The following TTC6 variants were observed in gnomAD, a reference collection of about 807,000 sequenced individuals.
TTC6 encodes tetratricopeptide repeat protein 6.
In TTC6, 172 loss-of-function variants were observed where a neutral mutation model predicts 210.4. That is an observed-to-expected ratio of 0.82 (90% CI 0.72 to 0.93). The LOEUF (loss-of-function observed/expected upper bound fraction) is 0.93, where lower values mean the gene tolerates loss of function less well. Ranked by LOEUF, TTC6 falls within the 40% of genes least tolerant of loss-of-function variation. The probability of loss-of-function intolerance (pLI) is 0.00; values close to 1 mark genes in which losing one functional copy is unlikely to be tolerated. For missense variants in TTC6, 2,414 were observed against 2,318.1 expected (o/e 1.04, Z -0.85); for synonymous variants, 804 against 819.6 (o/e 0.98, Z 0.32).
intron 20 of TTC6, among the ~76,000 whole-genome samples, chr14:37,803,631 C>T (rs929733092): frequency 6.6e-6 from 1 of 152,078 alleles, no homozygotes; most frequent in Non-Finnish European, 1.5e-5. Flanking sequence ...ACAGGCTGCT[C>T]AGGTGAGGCA....
intron 3 of TTC6, among the ~76,000 whole-genome samples, chr14:37,693,400 C>T (rs987247348): frequency 6.6e-6 from 1 of 152,096 alleles, no homozygotes; most frequent in African/African-American, 2.4e-5. Flanking sequence ...ATTCCATGTT[C>T]ATGGATTGGA....
chr14:37,724,260 C>T (rs1595153980), intron 6 of TTC6, among the ~76,000 whole-genome samples: 1 of 152,034 alleles, frequency 6.6e-6, no homozygotes, highest in Middle Eastern at 3.4e-3. Flanking sequence ...GTAGTTTTTC[C>T]AGTCCATGAG....
At chr14:37,770,935 C>G (rs1167339223) in intron 14 of TTC6, among the ~76,000 whole-genome samples, 1 of 140,806 alleles carries the variant, frequency 7.1e-6, no homozygotes, top group Non-Finnish European at 1.5e-5. Context: ...TTTGCAGCGG[C>G]TGGTACCGGT....
chr14:37,730,858 T>G (rs1374664034), intron 7 of TTC6, among the ~76,000 whole-genome samples: 1 of 152,222 alleles, frequency 6.6e-6, no homozygotes, highest in Admixed American at 6.5e-5. Flanking sequence ...AATGAAGACT[T>G]AAGTCTTTTT....
intron 18 of TTC6, 63 bp downstream of exon 20, chr14:37,795,415 T>A (rs1437808370): frequency 1.8e-6 from 2 of 1,113,346 alleles, no homozygotes; most frequent in East Asian, 2.9e-5. Flanking sequence ...TGAATGGGGA[T>A]CTTCAGTTCC....
At chr14:37,666,443 T>A (rs2095748255) in intron 1 of TTC6, among the ~76,000 whole-genome samples, 1 of 106,962 alleles carries the variant, frequency 9.3e-6, no homozygotes. Flanking sequence ...TGAGGCCCTG[T>A]CTCAAAAAAA....
At chr14:37,600,921 C>G (rs1181108992) in intron 1 of TTC6, among the ~76,000 whole-genome samples, 2 of 152,220 alleles carry the variant, frequency 1.3e-5, no homozygotes, top group Non-Finnish European at 2.9e-5. Context: ...CTATGGACCA[C>G]AGAGCAAAAC....
intron 1 of TTC6, among the ~76,000 whole-genome samples, chr14:37,638,023 A>G (rs1299849077): frequency 6.6e-6 from 1 of 152,216 alleles, no homozygotes; most frequent in African/African-American, 2.4e-5. Flanking sequence ...TTGCATGAAA[A>G]TCTGAGACAA....
At chr14:37,705,396 GA>G (rs1178336268) in intron 5 of TTC6, among the ~76,000 whole-genome samples, 1 of 151,882 alleles carries the variant, frequency 6.6e-6, no homozygotes, top group Non-Finnish European at 1.5e-5. Context: ...AAGAAAATGC[GA>G]AAATGAAAAA....
chr14:37,788,741 C>T (rs953458682), intron 15 of TTC6, among the ~76,000 whole-genome samples: 2 of 152,144 alleles, frequency 1.3e-5, no homozygotes, highest in African/African-American at 2.4e-5. Context: ...AGTGTAACAT[C>T]AACACAAACC....
chr14:37,807,587 C>A, intron 23 of TTC6, 127 bp downstream of exon 25: 1 of 672,990 alleles, frequency 1.5e-6, no homozygotes, highest in Non-Finnish European at 2.1e-6. Context: ...GGCAGAACTA[C>A]ATAGAAAACT....
chr14:37,739,529 A>T (rs2095911975), intron 10 of TTC6, among the ~76,000 whole-genome samples: 1 of 150,356 alleles, frequency 6.7e-6, no homozygotes, highest in African/African-American at 2.5e-5. Context: ...AGATCAGGCC[A>T]CTGCACTCCA....
intron 1 of TTC6, among the ~76,000 whole-genome samples, chr14:37,670,473 A>AC (rs1350616189): frequency 7.2e-5 from 7 of 97,666 alleles, no homozygotes; most frequent in South Asian, 4.1e-4. Flanking sequence ...AAACTACCTC[A>AC]CTTTTTTTTT....
At chr14:37,820,741 A>G (rs1373363909) in intron 26 of TTC6, among the ~76,000 whole-genome samples, 1 of 152,202 alleles carries the variant, frequency 6.6e-6, no homozygotes, top group Non-Finnish European at 1.5e-5. Flanking sequence ...ACAGATAGAA[A>G]TACTAAACAC....
intron 1 of TTC6, among the ~76,000 whole-genome samples, chr14:37,642,454 T>G (rs1177209454): frequency 6.6e-6 from 1 of 152,212 alleles, no homozygotes; most frequent in East Asian, 1.9e-4. Context: ...TAAGTTGCTG[T>G]TAATATGAAT....
chr14:37,807,628 A>C (rs949480622), intron 23 of TTC6, among the ~76,000 whole-genome samples, 168 bp downstream of exon 25: 5 of 152,128 alleles, frequency 3.3e-5, no homozygotes, highest in African/African-American at 9.7e-5. Flanking sequence ...TTTTTTTCAC[A>C]AAATAATGGT....
chr14:37,830,322 C>T (rs1434062701), intron 29 of TTC6, among the ~76,000 whole-genome samples: 3 of 151,822 alleles, frequency 2.0e-5, no homozygotes, highest in African/African-American at 7.3e-5. Context: ...TAGAGTTGAC[C>T]ACTGCAGGTT....
chr14:37,744,315 G>A (rs900205451), intron 10 of TTC6, among the ~76,000 whole-genome samples: 2 of 152,132 alleles, frequency 1.3e-5, no homozygotes, highest in Non-Finnish European at 2.9e-5. Context: ...GAGTGGAGAG[G>A]TAAACAAATA....
chr14:37,740,112 C>T (rs1024271515), intron 10 of TTC6, among the ~76,000 whole-genome samples: 3 of 145,538 alleles, frequency 2.1e-5, no homozygotes, highest in Non-Finnish European at 3.0e-5. Flanking sequence ...TGCAGTGAGC[C>T]GAGATGTGCC....
Sources: gnomAD v4.1 joint callset for allele counts (sites outside exome capture counted in the v4.1 genomes callset) on GRCh38, gnomAD v4.1.1 for gene constraint, MANE v1.5 for transcripts, NCBI Gene and HGNC (gene_info 2026-07-23, HGNC 2026-07-21) for gene names.